PLEKHA7: variants seen among roughly 807,000 people sequenced by gnomAD.
PLEKHA7 encodes pleckstrin homology domain-containing family A member 7.
A neutral mutation model predicts 170.0 loss-of-function variants in PLEKHA7; 104 were observed. That is an observed-to-expected ratio of 0.61 (90% CI 0.52 to 0.72). The LOEUF is 0.72. PLEKHA7 is among the 30% of genes least tolerant of loss of function. The pLI, the probability that PLEKHA7 is intolerant of heterozygous loss-of-function variation, is 0.00. For synonymous variants in PLEKHA7, 648 were observed against 660.8 expected, an observed-to-expected ratio of 0.98 and a Z score of 0.30; for missense variants, 1,615 against 1,671.7, an observed-to-expected ratio of 0.97 and a Z score of 0.59.
At chr11:16,870,641 C>CA (rs11321089) in intron 4 of PLEKHA7, among the ~76,000 whole-genome samples, 3,184 of 110,686 alleles carry the variant, frequency 0.029, 57 homozygotes, top group African/African-American at 0.069. Flanking sequence ...GACCCTGCCT[C>CA]AAAAAAAAAA....
chr11:16,897,937 G>A (rs1857101411), intron 3 of PLEKHA7, among the ~76,000 whole-genome samples: 1 of 152,102 alleles, frequency 6.6e-6, no homozygotes, highest in African/African-American at 2.4e-5. Flanking sequence ...CACTTCCACA[G>A]TGTCATTCAG....
chr11:16,926,349 A>T (rs1479448304), intron 3 of PLEKHA7, among the ~76,000 whole-genome samples: 1 of 152,190 alleles, frequency 6.6e-6, no homozygotes, highest in Admixed American at 6.5e-5. Context: ...CTGGTCCTGC[A>T]GGCAATCAGA....
intron 23 of PLEKHA7, chr11:16,786,660 G>A: frequency 2.0e-6 from 2 of 985,368 alleles, no homozygotes; most frequent in Middle Eastern, 5.2e-4. Flanking sequence ...GTGGTCCCCA[G>A]GGAAATAGAA....
intron 3 of PLEKHA7, among the ~76,000 whole-genome samples, chr11:16,892,406 T>TTGTGTGTGTGTGTGTGTGTGTG (rs58762762): frequency 1.3e-4 from 18 of 136,802 alleles, no homozygotes; most frequent in South Asian, 2.4e-4. Flanking sequence ...TTGTTTTATT[T>TTGTGTGTGTGTGTGTGTGTGTG]TGTGTGTGTG....
rs191326379 is a variant in PLEKHA7, at chr11:16,983,121, G to T, written c.221+30868C>A. Among the ~76,000 whole-genome samples the T allele has an allele frequency of 9.5e-4, 145 of 152,248 alleles. 3 individuals are homozygous for T. The South Asian group carries it at 0.015, about 16-fold the overall frequency. ...CTTTGCTTCATGGAGGTAGCACAGG[G>T]GATGGGAAGGTTGGAGAGGACTATA... On this transcript the variant is annotated intron_variant, in intron 3 of 26. Transcript: ENST00000531066.
At chr11:16,919,427 A>G (rs1858926322) in intron 3 of PLEKHA7, among the ~76,000 whole-genome samples, 1 of 152,140 alleles carries the variant, frequency 6.6e-6, no homozygotes, top group Non-Finnish European at 1.5e-5. Flanking sequence ...CTGTAATCCC[A>G]GCTTCTCAGG....
At chr11:16,988,039 C>G (rs904813252) in intron 3 of PLEKHA7, among the ~76,000 whole-genome samples, 1 of 152,224 alleles carries the variant, frequency 6.6e-6, no homozygotes, top group African/African-American at 2.4e-5. Flanking sequence ...TAACCAGTGT[C>G]TGTACCCTCT....
rs965641480 is a variant in PLEKHA7 at position 16,847,095 on chromosome 11, T to G, written c.696+4096A>C. ...TGGCTGAAGTTTTTTTTTTTCTTTT[T>G]TTTTTTTTTTTTTTTTTTTGAGACG... is the stretch of plus-strand genomic sequence containing the variant. On this transcript the variant is annotated intron_variant, in intron 8 of 26. Coordinates refer to ENST00000531066, the MANE Select transcript of PLEKHA7 (RefSeq NM_001329630.2). Among the ~76,000 whole-genome samples the G allele has an allele frequency of 3.0e-3, 383 of 126,864 alleles. 5 individuals carry two copies. Among genetic ancestry groups the G allele is most frequent in the African/African-American group, 0.013 (367 of 28,246 alleles). 83.2% of individuals were successfully genotyped at this position (126,864 alleles called of 152,430 possible). A position where few individuals can be genotyped will look rare whatever the true frequency, so the allele number is the denominator to read the frequency against.
chr11:16,835,917 T>A (rs1361262797), intron 9 of PLEKHA7, among the ~76,000 whole-genome samples: 1 of 152,174 alleles, frequency 6.6e-6, no homozygotes, highest in Non-Finnish European at 1.5e-5. Context: ...TGCCCATGGA[T>A]CCCTAACACT....
chr11:16,957,161 C>T (rs1861748786), intron 3 of PLEKHA7, among the ~76,000 whole-genome samples: 1 of 152,170 alleles, frequency 6.6e-6, no homozygotes, highest in African/African-American at 2.4e-5. Flanking sequence ...CACTTTCAAA[C>T]TAAATTCCAT....
At chr11:16,867,152 A>C (rs1345554146) in intron 4 of PLEKHA7, among the ~76,000 whole-genome samples, 1 of 152,176 alleles carries the variant, frequency 6.6e-6, no homozygotes, top group Non-Finnish European at 1.5e-5. Context: ...AGAAGGGATG[A>C]AAAGAGCAAG....
chr11:16,955,890 C>G (rs1048261092), intron 3 of PLEKHA7, among the ~76,000 whole-genome samples: 1 of 152,100 alleles, frequency 6.6e-6, no homozygotes, highest in African/African-American at 2.4e-5. Flanking sequence ...AGAGACCATA[C>G]ATAGTCACTT....
intron 17 of PLEKHA7, among the ~76,000 whole-genome samples, chr11:16,799,746 T>A (rs1848464590): frequency 1.3e-5 from 2 of 152,166 alleles, no homozygotes; most frequent in South Asian, 4.1e-4. Context: ...TAGTGAAATG[T>A]TAGCCAGTGT....
intron 3 of PLEKHA7, among the ~76,000 whole-genome samples, chr11:16,912,181 T>G (rs138715674): frequency 0.014 from 2,108 of 152,316 alleles, 158 homozygotes; most frequent in Admixed American, 0.12. Flanking sequence ...AGTGGAATGT[T>G]TCTAAAATGA....
chr11:16,923,876 C>G (rs1590628933), intron 3 of PLEKHA7, among the ~76,000 whole-genome samples: 1 of 152,284 alleles, frequency 6.6e-6, no homozygotes, highest in South Asian at 2.1e-4. Context: ...TCCACCCTTC[C>G]GTTAACAGGA....
At position 16,899,895 on chromosome 11, in the gene PLEKHA7, T is replaced by C. The variant is rs142297864; in HGVS notation, c.222-28713A>G. Reference sequence around the variant, plus strand: ...AGCTTTATACCATACTTGTGAGCTGTTCTTGGCCTGCTCTTACTGGTCCCA... The same window carrying C: ...AGCTTTATACCATACTTGTGAGCTGCTCTTGGCCTGCTCTTACTGGTCCCA... On this transcript the variant is annotated intron_variant, in intron 3 of 26. Transcript: ENST00000531066. Among the ~76,000 whole-genome samples, 67 of 152,298 alleles carry C rather than the reference T, an allele frequency of 4.4e-4. 1 individual carries two copies. In the East Asian group the frequency reaches 8.1e-3, roughly 18 times the overall value.
chr11:16,790,971 C>T (rs528329485), intron 20 of PLEKHA7, 40 bp downstream of exon 20: 1 of 1,613,898 alleles, frequency 6.2e-7, no homozygotes, highest in East Asian at 2.2e-5. Context: ...CTTTACCTCT[C>T]CCCACATGTA....
rs1420496113 is a variant in PLEKHA7 at position 16,791,887 on chromosome 11, C to T, written c.2746-688G>A. Among the ~76,000 whole-genome samples, 3 of 152,150 alleles carry T rather than the reference C, an allele frequency of 2.0e-5. No individual in the cohort carries two copies. The highest frequency in any genetic ancestry group is 1.5e-5 in the Non-Finnish European group (1 of 68,028). On this transcript the variant is annotated intron_variant, in intron 19 of 26. Transcript: ENST00000531066. The surrounding 1 kb of genome is among the most constrained non-coding windows in gnomAD (Gnocchi z 4.5). ...ACAGTGTTCTGTGAGGGCTGTGGTT[C>T]CTCTACATATCAACAGACCGGCCCC...
chr11:16,924,548 G>C (rs889884990), intron 3 of PLEKHA7, among the ~76,000 whole-genome samples: 1 of 152,286 alleles, frequency 6.6e-6, no homozygotes, highest in East Asian at 1.9e-4. Context: ...AAGGAGGAGG[G>C]GTACAGACGG....
Sources: allele counts gnomAD v4.1 joint callset (sites outside exome capture counted in the v4.1 genomes callset), GRCh38; gene constraint gnomAD v4.1.1; non-coding constraint Gnocchi (gnomAD v3.1); transcripts MANE v1.5; gene names NCBI Gene and HGNC (gene_info 2026-07-23, HGNC 2026-07-21).